The following VPS54 variants were observed in gnomAD, a reference collection of about 807,000 sequenced individuals.
VPS54 encodes VPS54 subunit of GARP complex, also known as vacuolar protein sorting-associated protein 54.
VPS54 carries 45 observed loss-of-function variants against 121.5 expected under a neutral mutation model. That is an observed-to-expected ratio of 0.37 (90% confidence interval 0.29 to 0.47). The LOEUF is 0.47. Among genes scored for constraint, VPS54 ranks in the 20% least tolerant of loss-of-function variants. VPS54 has a pLI of 0.99. For missense variants in VPS54, 1,090 were observed against 1,131.4 expected (o/e 0.96, Z 0.52); for synonymous variants, 371 against 385.8 (o/e 0.96, Z 0.45).
rs944715457 is a variant in VPS54, at chr2:63,947,776, A to G, written c.1138-286T>C. 2.0e-5 allele frequency among the ~76,000 whole-genome samples: 3 copies of G among 152,252 alleles called. No individual in the cohort carries two copies. In the South Asian group the frequency reaches 6.2e-4, roughly 32 times the overall value. Reference sequence around the variant, plus strand: ...TTGTTCTAGTTTCAACAAGTAAAAAATATCCTTCTCACACCCTGATGACCA... The same window carrying G: ...TTGTTCTAGTTTCAACAAGTAAAAAGTATCCTTCTCACACCCTGATGACCA... On this transcript the variant is annotated intron_variant, in intron 8 of 22. Coordinates refer to ENST00000272322, the MANE Select transcript of VPS54 (RefSeq NM_016516.3).
intron 12 of VPS54, among the ~76,000 whole-genome samples, chr2:63,929,589 C>G (rs1394971626): frequency 6.6e-6 from 1 of 151,854 alleles, no homozygotes; most frequent in African/African-American, 2.4e-5. Flanking sequence ...AACACCCTAA[C>G]ATCACAATTA....
At chr2:64,003,528 G>A (rs1430122629) in intron 1 of VPS54, among the ~76,000 whole-genome samples, 1 of 151,882 alleles carries the variant, frequency 6.6e-6, no homozygotes, top group East Asian at 1.9e-4. Context: ...CTGTTTTTCT[G>A]TGTATTCTAT....
chr2:64,003,871 C>CA (rs1170621818), intron 1 of VPS54, among the ~76,000 whole-genome samples: 1 of 152,190 alleles, frequency 6.6e-6, no homozygotes, highest in Non-Finnish European at 1.5e-5. Context: ...CCCCACCAAG[C>CA]AATGAACACA....
rs1678054479 is a variant in VPS54 at position 64,004,954 on chromosome 2, T to G, written c.-21+13984A>C. Among the ~76,000 whole-genome samples the G allele has an allele frequency of 4.0e-5, 6 of 151,742 alleles. No homozygotes were observed. The South Asian group carries it at 1.3e-3, about 32-fold the overall frequency. ...CTACCACACCTGGCTAATTTTTGTA[T>G]TTTTGTAGAGACGAGGTCTCACTAT... On this transcript the variant is annotated intron_variant, in intron 1 of 22. Transcript: ENST00000272322.
intron 1 of VPS54, among the ~76,000 whole-genome samples, chr2:64,003,335 T>C (rs1677972189): frequency 6.6e-6 from 1 of 152,224 alleles, no homozygotes; most frequent in East Asian, 1.9e-4. Context: ...TAGCTCTACC[T>C]TTTTCACATG....
chr2:63,901,859 T>C (rs1008899604), intron 20 of VPS54, among the ~76,000 whole-genome samples: 9 of 151,876 alleles, frequency 5.9e-5, no homozygotes, highest in South Asian at 2.1e-4. Flanking sequence ...CTACTAAAAA[T>C]ACAAAATTAG....
chr2:63,902,548 A>AT (rs1194953246), intron 20 of VPS54, among the ~76,000 whole-genome samples: 2 of 152,152 alleles, frequency 1.3e-5, no homozygotes, highest in Non-Finnish European at 2.9e-5. Context: ...AAGGTTCAGC[A>AT]TTTAATTAAA....
chr2:64,008,358 G>A (rs1008006244), intron 1 of VPS54, among the ~76,000 whole-genome samples: 1 of 151,440 alleles, frequency 6.6e-6, no homozygotes, highest in African/African-American at 2.4e-5. Flanking sequence ...AGGTTGCAAT[G>A]AGCCAAGATC....
intron 12 of VPS54, among the ~76,000 whole-genome samples, chr2:63,924,613 G>A (rs1474666715): frequency 6.6e-6 from 1 of 152,122 alleles, no homozygotes; most frequent in Non-Finnish European, 1.5e-5. Context: ...GAGGCCAGGA[G>A]TGACCAGCCT....
chr2:63,909,725 G>GTTTTTGTTT lies in VPS54; in HGVS notation c.2625+2619_2625+2620insAAACAAAAA, dbSNP rs747731456. Among the ~76,000 whole-genome samples, 29 of 115,242 alleles carry GTTTTTGTTT rather than the reference G, an allele frequency of 2.5e-4. 1 individual carries two copies. Among genetic ancestry groups the GTTTTTGTTT allele is most frequent in the Non-Finnish European group, 3.1e-4 (17 of 55,526 alleles). The allele number at this position is 115,242 out of a possible 152,430, so 75.6% of individuals were successfully genotyped here. On this transcript the variant is annotated intron_variant, in intron 20 of 22. Transcript: ENST00000272322. ...AAGCGACCTCGCCTGGCCGTTTTTG[G>GTTTTTGTTT]TTTTTTTTTTTTTTTTGAGACAGAG...
rs374668347 is a variant in VPS54 at position 63,969,074 on chromosome 2, T to C, written c.458-83A>G. Reference sequence around the variant, plus strand: ...AAAATACATTTTGACAGATTCAGTATTGTACTGGGTCACATCCAAATAACT... The same window carrying C: ...AAAATACATTTTGACAGATTCAGTACTGTACTGGGTCACATCCAAATAACT... On this transcript the variant is annotated intron_variant, in intron 4 of 22. Transcript: ENST00000272322. The C allele has an allele frequency of 1.3e-4, 148 of 1,130,998 alleles. 2 individuals are homozygous for C. Among genetic ancestry groups the C allele is most frequent in the East Asian group, 9.2e-4 (37 of 40,434 alleles). The allele number at this position is 1,130,998 out of a possible 1,614,324, so 70.1% of individuals were successfully genotyped here. A position where few individuals can be genotyped will look rare whatever the true frequency, so the allele number is the denominator to read the frequency against.
chr2:63,975,248 C>G lies in VPS54; in HGVS notation c.379-3004G>C, dbSNP rs1186593397. 6 of 448,898 alleles carry G rather than the reference C, an allele frequency of 1.3e-5. No individual in the cohort carries two copies. The East Asian group carries it at 1.6e-4, about 12-fold the overall frequency. 27.8% of individuals were successfully genotyped at this position (448,898 alleles called of 1,614,324 possible). On this transcript the variant is annotated intron_variant, in intron 3 of 22. Coordinates refer to ENST00000272322, the MANE Select transcript of VPS54 (RefSeq NM_016516.3). ...TGACCTAACCAACTCCATCTTGCTT[C>G]TAACCTCCAAGCTGTTCTTGTCCAT...
intron 7 of VPS54, among the ~76,000 whole-genome samples, chr2:63,961,215 C>A (rs1675754115): frequency 6.6e-6 from 1 of 152,136 alleles, no homozygotes; most frequent in Non-Finnish European, 1.5e-5. Context: ...AACAGCCATA[C>A]CTTAACTGAA....
intron 20 of VPS54, 132 bp downstream of exon 20, chr2:63,912,213 A>T: frequency 1.1e-6 from 1 of 948,096 alleles, no homozygotes; most frequent in South Asian, 1.9e-5. Flanking sequence ...AAAATTTAAA[A>T]TTCTACTAAT....
intron 15 of VPS54, 22 bp from the exon 16 acceptor site, chr2:63,916,985 C>A: frequency 6.2e-7 from 1 of 1,612,508 alleles, no homozygotes; most frequent in Non-Finnish European, 8.5e-7. Context: ...AGCAAATAAA[C>A]GAGAGACAAG....
chr2:63,893,274 T>A lies in VPS54; in HGVS notation c.*156A>T, dbSNP rs1575872553. 1.3e-6 allele frequency: 1 copy of A among 757,540 alleles called. No homozygotes were observed. The highest frequency in any genetic ancestry group is 2.4e-6 in the Non-Finnish European group (1 of 416,852). 46.9% of individuals were successfully genotyped at this position (757,540 alleles called of 1,614,324 possible). On this transcript the variant is annotated 3_prime_UTR_variant, in exon 23 of 23. Coordinates refer to ENST00000272322, the MANE Select transcript of VPS54 (RefSeq NM_016516.3). ...GACATTCCTTGTAGATCCCACTGAATCCAGTTTCCCAACACTTGATACTTT... is the reference window on the plus strand; with the variant it reads ...GACATTCCTTGTAGATCCCACTGAAACCAGTTTCCCAACACTTGATACTTT...
chr2:64,012,182 T>C (rs1450880001), intron 1 of VPS54, among the ~76,000 whole-genome samples: 1 of 152,124 alleles, frequency 6.6e-6, no homozygotes, highest in East Asian at 1.9e-4. Context: ...TCATCTCCCT[T>C]GCATCTCTCC....
intron 7 of VPS54, among the ~76,000 whole-genome samples, chr2:63,958,486 G>A (rs1675601524): frequency 1.3e-5 from 2 of 152,122 alleles, no homozygotes; most frequent in African/African-American, 4.8e-5. Context: ...GAAAATTGTG[G>A]TATGAAAGTT....
chr2:64,005,134 C>T lies in VPS54; in HGVS notation c.-21+13804G>A, dbSNP rs1281749053. Among the ~76,000 whole-genome samples the T allele has an allele frequency of 2.3e-4, 25 of 107,870 alleles. 1 individual carries two copies. Among genetic ancestry groups the T allele is most frequent in the Admixed American group, 6.7e-4 (6 of 9,000 alleles). 70.8% of individuals were successfully genotyped at this position (107,870 alleles called of 152,430 possible). A position where few individuals can be genotyped will look rare whatever the true frequency, so the allele number is the denominator to read the frequency against. On this transcript the variant is annotated intron_variant, in intron 1 of 22. Transcript: ENST00000272322. Reference sequence around the variant, plus strand: ...TTTTTTTTTTTTTGAGACGGAGTCCCGCTCTTTAGCCCAGGCCAGATTGCA... The same window carrying T: ...TTTTTTTTTTTTTGAGACGGAGTCCTGCTCTTTAGCCCAGGCCAGATTGCA...
Sources: allele counts gnomAD v4.1 joint callset (sites outside exome capture counted in the v4.1 genomes callset), GRCh38; gene constraint gnomAD v4.1.1; transcripts MANE v1.5; gene names NCBI Gene and HGNC (gene_info 2026-07-23, HGNC 2026-07-21).